Variants in CDH4 observed in about 807,000 individuals in gnomAD.
CDH4 encodes cadherin 4.
A neutral mutation model predicts 86.0 loss-of-function variants in CDH4; 33 were observed. The ratio of observed to expected loss-of-function variants is 0.38; its 90% CI spans 0.29 to 0.51. The LOEUF is 0.51. CDH4 is among the 20% of genes least tolerant of loss of function. CDH4 has a pLI of 0.86. For synonymous variants in CDH4, 555 were observed against 549.4 expected (o/e 1.01, Z -0.14); for missense variants, 1,114 against 1,307.4 (o/e 0.85, Z 2.28).
At chr20:61,437,460 G>C (rs547633193) in intron 2 of CDH4, 1 of 152,094 alleles carries the variant, frequency 6.6e-6, no homozygotes, top group Non-Finnish European at 1.5e-5. Flanking sequence ...CTTCCTTTTC[G>C]TTGGCACAGC....
rs1460069978 is a variant in CDH4, at chr20:61,928,052, C to T, written c.1772-138C>T. The T allele has an allele frequency of 1.1e-5, 8 of 742,510 alleles. 1 individual carries two copies. Among genetic ancestry groups the T allele is most frequent in the African/African-American group, 3.4e-5 (2 of 58,504 alleles). 46.0% of individuals were successfully genotyped at this position (742,510 alleles called of 1,614,324 possible). A position where few individuals can be genotyped will look rare whatever the true frequency, so the allele number is the denominator to read the frequency against. ...GCAGCTGTGTTGGGAGATGGCCGGC[C>T]GTGTCCGGCTGGGGGTCTGCACATG... On this transcript the variant is annotated intron_variant, in intron 11 of 15. Transcript: ENST00000614565.
At chr20:61,424,354 CCA>C (rs921531160) in intron 2 of CDH4, among the ~76,000 whole-genome samples, 28 of 151,466 alleles carry the variant, frequency 1.8e-4, no homozygotes, top group African/African-American at 6.6e-4. Flanking sequence ...ACACTCATAT[CCA>C]CACACATATC....
chr20:61,791,243 A>G (rs200116404), intron 4 of CDH4, among the ~76,000 whole-genome samples: 1 of 152,254 alleles, frequency 6.6e-6, no homozygotes, highest in East Asian at 1.9e-4. Flanking sequence ...AAGCCATTCC[A>G]TTTGGCTTAC....
chr20:61,735,436 C>A (rs1406019103), intron 2 of CDH4, among the ~76,000 whole-genome samples: 7 of 152,198 alleles, frequency 4.6e-5, no homozygotes, highest in Admixed American at 4.6e-4. Context: ...TCTTATACCC[C>A]CCTGGTGGGC....
chr20:61,565,206 C>CTCTTGGT lies in CDH4; in HGVS notation c.170-178357_170-178356insTCTTGGT, dbSNP rs1568688386. ...GTGGTGGTCCTCTTGGTGGTGGTCGCGGTGCTCTCGGTGGTAGGTGGTGGT... is the reference window on the plus strand; with the variant it reads ...GTGGTGGTCCTCTTGGTGGTGGTCGCTCTTGGTGGTGCTCTCGGTGGTAGGTGGTGGT... On this transcript the variant is annotated intron_variant, in intron 2 of 15. Coordinates refer to ENST00000614565, the MANE Select transcript of CDH4 (RefSeq NM_001794.5). Among the ~76,000 whole-genome samples the CTCTTGGT allele has an allele frequency of 6.6e-4, 13 of 19,562 alleles. 2 individuals are homozygous for CTCTTGGT. Among genetic ancestry groups the CTCTTGGT allele is most frequent in the African/African-American group, 9.9e-4 (3 of 3,036 alleles). The allele number at this position is 19,562 out of a possible 152,430, so 12.8% of individuals were successfully genotyped here.
chr20:61,386,456 C>G (rs991557714), intron 2 of CDH4, among the ~76,000 whole-genome samples: 4 of 152,160 alleles, frequency 2.6e-5, no homozygotes, highest in African/African-American at 9.7e-5. Context: ...CTTCCCCCAG[C>G]CTTCCCTGCG....
rs114109587 is a variant in CDH4, at chr20:61,562,848, C to T, written c.170-180715C>T. The stretch of plus-strand genomic sequence containing the variant: ...CACATTGCCAGATGCACACTGTCAT[C>T]GGATGGAAGAGCACTGTCCTGTCCG... On this transcript the variant is annotated intron_variant, in intron 2 of 15. Transcript: ENST00000614565. Among the ~76,000 whole-genome samples the T allele has an allele frequency of 5.0e-3, 761 of 152,340 alleles. 3 individuals carry two copies. Among genetic ancestry groups the T allele is most frequent in the African/African-American group, 0.017 (724 of 41,568 alleles).
chr20:61,773,328 C>T (rs1381892662), intron 4 of CDH4, 146 bp downstream of exon 4: 2 of 783,670 alleles, frequency 2.6e-6, no homozygotes, highest in African/African-American at 3.5e-5. Flanking sequence ...ATAAGCCTTA[C>T]ACAGCGCGAT....
At position 61,769,677 on chromosome 20, in the gene CDH4, G is replaced by T. The variant is rs116295228; in HGVS notation, c.397-3326G>T. On this transcript the variant is annotated intron_variant, in intron 3 of 15. Transcript: ENST00000614565. ...GCATGGCAGGAAAGTGGGAATGATG[G>T]TGCTCCCCGCTGAACTGGTGAGAGG... Among the ~76,000 whole-genome samples the T allele has an allele frequency of 2.8e-3, 421 of 152,298 alleles. 3 individuals are homozygous for T. Among genetic ancestry groups the T allele is most frequent in the African/African-American group, 9.8e-3 (409 of 41,578 alleles).
chr20:61,793,061 CCA>C (rs1447009957), intron 4 of CDH4, among the ~76,000 whole-genome samples: 2 of 152,082 alleles, frequency 1.3e-5, no homozygotes, highest in African/African-American at 4.8e-5. Flanking sequence ...CTCCTGGGTT[CCA>C]GTGATTCTCC....
intron 2 of CDH4, among the ~76,000 whole-genome samples, chr20:61,530,274 G>A (rs150144625): frequency 7.2e-5 from 11 of 152,166 alleles, no homozygotes; most frequent in Admixed American, 1.3e-4. Flanking sequence ...CAAGTGATCC[G>A]CCCCTTCGGC....
At chr20:61,390,779 A>T (rs1157364710) in intron 2 of CDH4, among the ~76,000 whole-genome samples, 32 of 91,146 alleles carry the variant, frequency 3.5e-4, no homozygotes, top group East Asian at 1.6e-3. Flanking sequence ...GAAACCCTAA[A>T]TGAGATCGTG....
chr20:61,658,721 C>T (rs561787586), intron 2 of CDH4, among the ~76,000 whole-genome samples: 1 of 152,148 alleles, frequency 6.6e-6, no homozygotes, highest in South Asian at 2.1e-4. Context: ...GCCCAAGTAC[C>T]CAGGAACAAA....
chr20:61,714,824 G>A (rs1441854632), intron 2 of CDH4, among the ~76,000 whole-genome samples: 1 of 152,160 alleles, frequency 6.6e-6, no homozygotes, highest in Non-Finnish European at 1.5e-5. Context: ...TGGGCACTTG[G>A]GTTGGTAACA....
intron 2 of CDH4, among the ~76,000 whole-genome samples, chr20:61,278,066 TC>T (rs5842343): frequency 0.11 from 17,475 of 152,266 alleles, 1,177 homozygotes; most frequent in Middle Eastern, 0.27. Flanking sequence ...GTTTGCCTGC[TC>T]CGGGCATCTG....
intron 2 of CDH4, among the ~76,000 whole-genome samples, chr20:61,382,108 AG>A (rs1407929408): frequency 6.6e-6 from 1 of 152,142 alleles, no homozygotes; most frequent in Non-Finnish European, 1.5e-5. Context: ...TAAAATAAAA[AG>A]ATCACTGTTC....
chr20:61,502,922 A>T (rs1227958977), intron 2 of CDH4, among the ~76,000 whole-genome samples: 1 of 152,180 alleles, frequency 6.6e-6, no homozygotes, highest in South Asian at 2.1e-4. Flanking sequence ...TTATTTACTA[A>T]AACAGTGGGA....
Position 61,592,885 on chromosome 20 carries a change from G to A in CDH4, c.170-150678G>A, listed in dbSNP as rs1301880690. ...GTCCACGTTGTGATCCCTGGAGCCT[G>A]TGAATATGGCATGTGATGTGGCAAA... On this transcript the variant is annotated intron_variant, in intron 2 of 15. Coordinates refer to ENST00000614565, the MANE Select transcript of CDH4 (RefSeq NM_001794.5). Among the ~76,000 whole-genome samples the A allele has an allele frequency of 3.3e-5, 5 of 152,330 alleles. No homozygotes were observed. In the East Asian group the frequency reaches 9.6e-4, roughly 29 times the overall value.
At chr20:61,494,934 G>T (rs186597942) in intron 2 of CDH4, among the ~76,000 whole-genome samples, 48 of 152,352 alleles carry the variant, frequency 3.2e-4, no homozygotes, top group African/African-American at 9.9e-4. Context: ...ACTCTTTGGC[G>T]TGGGCCCTCC....
Sources: allele counts gnomAD v4.1 joint callset (sites outside exome capture counted in the v4.1 genomes callset), GRCh38; gene constraint gnomAD v4.1.1; transcripts MANE v1.5; gene names NCBI Gene and HGNC (gene_info 2026-07-23, HGNC 2026-07-21).